The following ITGA8 variants were observed in gnomAD, a reference collection of about 807,000 sequenced individuals.
The protein encoded by ITGA8 is integrin subunit alpha 8, also known as integrin alpha-8.
In ITGA8, 91 loss-of-function variants were observed where a neutral mutation model predicts 142.3. The ratio of observed to expected loss-of-function variants is 0.64; its 90% CI spans 0.54 to 0.76. ITGA8 has a LOEUF of 0.76. Among genes scored for constraint, ITGA8 ranks in the 30% least tolerant of loss-of-function variants. The pLI is 0.00. For missense variants in ITGA8, 1,406 were observed against 1,327.7 expected, an observed-to-expected ratio of 1.06 and a Z score of -0.92; for synonymous variants, 505 against 485.2, an observed-to-expected ratio of 1.04 and a Z score of -0.54.
chr10:15,555,701 C>CT (rs36008836), intron 26 of ITGA8, among the ~76,000 whole-genome samples: 61 of 145,692 alleles, frequency 4.2e-4, no homozygotes, highest in African/African-American at 1.4e-3. Context: ...TCCACCTTCC[C>CT]TTTTTTTTTT....
chr10:15,521,184 A>G (rs79585880), intron 28 of ITGA8, among the ~76,000 whole-genome samples: 1 of 147,220 alleles, frequency 6.8e-6, no homozygotes, highest in African/African-American at 2.5e-5. Flanking sequence ...ACACCCAGCT[A>G]TTTTTTTTTT....
chr10:15,706,015 G>A (rs1372758822), intron 2 of ITGA8, among the ~76,000 whole-genome samples: 1 of 152,102 alleles, frequency 6.6e-6, no homozygotes, highest in African/African-American at 2.4e-5. Flanking sequence ...CACTCCCTAA[G>A]TCATGGCCTT....
At chr10:15,606,236 C>A in intron 18 of ITGA8, 49 bp downstream of exon 18, 1 of 1,538,252 alleles carries the variant, frequency 6.5e-7, no homozygotes, top group Non-Finnish European at 8.9e-7. Flanking sequence ...GAACAACACC[C>A]CAGAGAGCTT....
chr10:15,610,347 G>A (rs994344035), intron 15 of ITGA8, among the ~76,000 whole-genome samples: 1 of 152,118 alleles, frequency 6.6e-6, no homozygotes. Context: ...ATGGAGCATA[G>A]AATTAGGATC....
chr10:15,567,815 C>T (rs1834105884), intron 25 of ITGA8, among the ~76,000 whole-genome samples: 1 of 152,190 alleles, frequency 6.6e-6, no homozygotes, highest in South Asian at 2.1e-4. Flanking sequence ...CAGGCTGTTG[C>T]CCACCCTTGA....
intron 25 of ITGA8, among the ~76,000 whole-genome samples, chr10:15,559,339 G>T (rs188029649): frequency 7.9e-5 from 12 of 152,318 alleles, no homozygotes; most frequent in Admixed American, 7.8e-4. Flanking sequence ...TGTTCTGCAT[G>T]CTTGGTCTGG....
At chr10:15,652,684 C>A (rs2131662246) in intron 11 of ITGA8, among the ~76,000 whole-genome samples, 1 of 152,260 alleles carries the variant, frequency 6.6e-6, no homozygotes, top group East Asian at 1.9e-4. Context: ...AAGATGAAGG[C>A]AATTTATTTT....
intron 23 of ITGA8, among the ~76,000 whole-genome samples, chr10:15,577,868 A>G (rs1382508856): frequency 1.3e-5 from 2 of 152,202 alleles, no homozygotes; most frequent in Non-Finnish European, 2.9e-5. Context: ...TAAGACCCTC[A>G]GATAAGAAGA....
At chr10:15,649,077 C>T (rs905151824) in intron 11 of ITGA8, among the ~76,000 whole-genome samples, 14 of 152,030 alleles carry the variant, frequency 9.2e-5, no homozygotes, top group African/African-American at 3.4e-4. Context: ...AAGGTGGGCT[C>T]TCCAGGTGTA....
chr10:15,535,405 G>A (rs758982489), intron 27 of ITGA8, among the ~76,000 whole-genome samples: 3 of 152,230 alleles, frequency 2.0e-5, no homozygotes, highest in Admixed American at 6.5e-5. Flanking sequence ...GCTCCTGACT[G>A]GTAGGGACTT....
chr10:15,531,379 C>T (rs182634765), intron 27 of ITGA8, among the ~76,000 whole-genome samples: 28 of 152,182 alleles, frequency 1.8e-4, no homozygotes, highest in Admixed American at 6.5e-4. Context: ...AGCGTGAATC[C>T]ATCTATCCAA....
At chr10:15,660,122 C>T (rs2131670835) in intron 9 of ITGA8, among the ~76,000 whole-genome samples, 1 of 152,084 alleles carries the variant, frequency 6.6e-6, no homozygotes, top group African/African-American at 2.4e-5. Context: ...TTGTATGAGG[C>T]GTATTAAGTT....
chr10:15,660,628 T>C (rs981939444), intron 9 of ITGA8, among the ~76,000 whole-genome samples: 4 of 152,216 alleles, frequency 2.6e-5, no homozygotes, highest in East Asian at 1.9e-4. Flanking sequence ...ATATGCGATA[T>C]GATGCTCTTA....
At chr10:15,565,916 G>T (rs1002037678) in intron 25 of ITGA8, among the ~76,000 whole-genome samples, 5 of 151,958 alleles carry the variant, frequency 3.3e-5, no homozygotes, top group African/African-American at 1.2e-4. Context: ...AAGGGTATGT[G>T]TGTGTGTGCG....
rs1188617060 is a variant in ITGA8 at position 15,516,716 on chromosome 10, A to AT, written c.*441dup. 3 of 153,410 alleles carry AT rather than the reference A, an allele frequency of 2.0e-5. No homozygotes were observed. Among genetic ancestry groups the AT allele is most frequent in the African/African-American group, 7.2e-5 (3 of 41,464 alleles). The allele number at this position is 153,410 out of a possible 1,614,324, so 9.5% of individuals were successfully genotyped here. A position where few individuals can be genotyped will look rare whatever the true frequency, so the allele number is the denominator to read the frequency against. ...AGGGAGGTGTCAAATGTTCCATTGG[A>AT]TACAGTAGTGTTGGATGGTGTGGTC... On this transcript the variant is annotated 3_prime_UTR_variant, in exon 30 of 30. Transcript: ENST00000378076.
intron 10 of ITGA8, among the ~76,000 whole-genome samples, chr10:15,656,722 T>G (rs973632429): frequency 1.3e-5 from 2 of 152,168 alleles, no homozygotes. Flanking sequence ...ATTTATAATC[T>G]TTTCAGGATT....
chr10:15,538,512 G>GAAAAAAAA (rs71374631), intron 27 of ITGA8, among the ~76,000 whole-genome samples: 23 of 98,526 alleles, frequency 2.3e-4, no homozygotes, highest in Non-Finnish European at 3.4e-4. Flanking sequence ...ACTCCGTCTC[G>GAAAAAAAA]AAAAAAAAAA....
At chr10:15,591,703 A>G (rs928578903) in intron 22 of ITGA8, among the ~76,000 whole-genome samples, 6 of 152,192 alleles carry the variant, frequency 3.9e-5, no homozygotes, top group Non-Finnish European at 8.8e-5. Flanking sequence ...GCAGCTACCT[A>G]TATGGCTCTG....
chr10:15,626,325 A>C (rs1588683305), intron 13 of ITGA8, among the ~76,000 whole-genome samples: 1 of 152,166 alleles, frequency 6.6e-6, no homozygotes, highest in East Asian at 1.9e-4. Context: ...GGTTCAAGCA[A>C]TTCTCCTGCC....
Sources: allele counts gnomAD v4.1 joint callset (sites outside exome capture counted in the v4.1 genomes callset), GRCh38; gene constraint gnomAD v4.1.1; transcripts MANE v1.5; gene names NCBI Gene and HGNC (gene_info 2026-07-23, HGNC 2026-07-21).